The following FARP1 variants were observed in gnomAD, a reference collection of about 807,000 sequenced individuals.
The protein encoded by FARP1 is FERM, ARHGEF and pleckstrin domain-containing protein 1.
In FARP1, 52 loss-of-function variants were observed where a neutral mutation model predicts 128.8. The ratio of observed to expected loss-of-function variants is 0.40; its 90% CI spans 0.32 to 0.51. The LOEUF (loss-of-function observed/expected upper bound fraction) is 0.51, where lower values mean the gene tolerates loss of function less well. Among genes scored for constraint, FARP1 ranks in the 20% least tolerant of loss-of-function variants. FARP1 has a pLI of 0.45. For missense variants in FARP1, 1,333 were observed against 1,367.9 expected (o/e 0.97, Z 0.40); for synonymous variants, 580 against 551.8 (o/e 1.05, Z -0.72).
At chr13:98,280,553 C>T (rs759869025) in intron 2 of FARP1, among the ~76,000 whole-genome samples, 5 of 152,236 alleles carry the variant, frequency 3.3e-5, no homozygotes, top group African/African-American at 9.6e-5. Flanking sequence ...AGAGCCTGGC[C>T]GGACACCCGG....
intron 2 of FARP1, among the ~76,000 whole-genome samples, chr13:98,296,958 C>T (rs1885723341): frequency 6.6e-6 from 1 of 152,196 alleles, no homozygotes; most frequent in Non-Finnish European, 1.5e-5. Flanking sequence ...GCTGGGATTA[C>T]ACGGCCCTAA....
rs1594415695 is a variant in FARP1 at position 98,334,966 on chromosome 13, C to T, written c.172-8796C>T. 2.0e-5 allele frequency among the ~76,000 whole-genome samples: 3 copies of T among 152,312 alleles called. No individual in the cohort carries two copies. The East Asian group carries it at 5.8e-4, about 29-fold the overall frequency. On this transcript the variant is annotated intron_variant, in intron 2 of 26. Transcript: ENST00000319562. ...TAGTGTTTGGTTATGTCCACCTGAGCATACTAAGTCATCACGTTTCCATCT... is the reference window on the plus strand; with the variant it reads ...TAGTGTTTGGTTATGTCCACCTGAGTATACTAAGTCATCACGTTTCCATCT...
intron 3 of FARP1, among the ~76,000 whole-genome samples, chr13:98,362,753 A>G (rs994639438): frequency 2.6e-5 from 4 of 152,202 alleles, no homozygotes; most frequent in Admixed American, 2.6e-4. Flanking sequence ...GACACCTCAG[A>G]AAATTAACTC....
At chr13:98,299,945 G>C (rs745410778) in intron 2 of FARP1, among the ~76,000 whole-genome samples, 10 of 152,192 alleles carry the variant, frequency 6.6e-5, no homozygotes, top group Non-Finnish European at 1.5e-4. Context: ...GTGCTAATCA[G>C]TAGCTAATCA....
intron 1 of FARP1, chr13:98,177,953 C>T (rs923596044): frequency 1.3e-5 from 2 of 152,180 alleles, no homozygotes; most frequent in Admixed American, 6.5e-5. Context: ...AATCCCTCCC[C>T]TCAAAGATAA....
rs1287575463 is a variant in FARP1 at position 98,453,852 on chromosome 13, G to A, written c.*5535G>A. The A allele has an allele frequency of 6.6e-6, 1 of 152,142 alleles. No individual in the cohort carries two copies. Among genetic ancestry groups the A allele is most frequent in the African/African-American group, 2.4e-5 (1 of 41,436 alleles). The allele number at this position is 152,142 out of a possible 1,614,324, so 9.4% of individuals were successfully genotyped here. On this transcript the variant is annotated 3_prime_UTR_variant, in exon 27 of 27. Coordinates refer to ENST00000319562, the MANE Select transcript of FARP1 (RefSeq NM_005766.4). ...AAAGCAATATTAAAAATATGTACAA[G>A]TTTAAAAGTACATACAAAATTACAG...
At chr13:98,419,299 C>A (rs1594514915) in intron 16 of FARP1, among the ~76,000 whole-genome samples, 1 of 152,094 alleles carries the variant, frequency 6.6e-6, no homozygotes, top group Admixed American at 6.5e-5. Context: ...CATGGTGAAA[C>A]CCCATCTCTA....
At chr13:98,292,999 G>A (rs1275063536) in intron 2 of FARP1, among the ~76,000 whole-genome samples, 1 of 151,932 alleles carries the variant, frequency 6.6e-6, no homozygotes, top group Non-Finnish European at 1.5e-5. Flanking sequence ...CAACTCATGG[G>A]GTAAATAAAA....
rs187564692 is a variant in FARP1, at chr13:98,420,323, G to A, written c.1827-4249G>A. Among the ~76,000 whole-genome samples, 435 of 152,238 alleles carry A rather than the reference G, an allele frequency of 2.9e-3. 2 individuals carry two copies. The highest frequency in any genetic ancestry group is 6.8e-3 in the Middle Eastern group (2 of 294). ...AGGCTGTCCTTCTGCCTCCTCTTAGGGGGGTGATGGGCAGAATACTCACAG... is the reference window on the plus strand; with the variant it reads ...AGGCTGTCCTTCTGCCTCCTCTTAGAGGGGTGATGGGCAGAATACTCACAG... On this transcript the variant is annotated intron_variant, in intron 16 of 26. Coordinates refer to ENST00000319562, the MANE Select transcript of FARP1 (RefSeq NM_005766.4).
chr13:98,423,866 G>A (rs1203521697), intron 16 of FARP1, among the ~76,000 whole-genome samples: 1 of 152,190 alleles, frequency 6.6e-6, no homozygotes, highest in Non-Finnish European at 1.5e-5. Context: ...TTGATCCGTT[G>A]AAAGGTGTAC....
intron 2 of FARP1, among the ~76,000 whole-genome samples, chr13:98,223,334 T>C (rs148112011): frequency 1.3e-5 from 2 of 152,282 alleles, no homozygotes; most frequent in African/African-American, 4.8e-5. Context: ...TTTTTGTTTG[T>C]TTGTTTGTTT....
At chr13:98,322,690 C>T (rs1437025430) in intron 2 of FARP1, among the ~76,000 whole-genome samples, 6 of 152,160 alleles carry the variant, frequency 3.9e-5, no homozygotes, top group South Asian at 2.1e-4. Context: ...GGCTGTTCCC[C>T]GGGAATTATC....
intron 17 of FARP1, among the ~76,000 whole-genome samples, chr13:98,427,714 C>T (rs1347079193): frequency 1.4e-4 from 21 of 152,242 alleles, no homozygotes; most frequent in Non-Finnish European, 1.3e-4. Context: ...ATATCCGCTC[C>T]TGGCGTTCTT....
chr13:98,305,292 C>T (rs1006564545), intron 2 of FARP1, among the ~76,000 whole-genome samples: 3 of 151,754 alleles, frequency 2.0e-5, no homozygotes, highest in East Asian at 1.9e-4. Flanking sequence ...TTTTATCCCT[C>T]GCACTTTCAA....
At chr13:98,256,957 A>ATATATATATATATG (rs1883637237) in intron 2 of FARP1, among the ~76,000 whole-genome samples, 5 of 83,860 alleles carry the variant, frequency 6.0e-5, no homozygotes, top group Non-Finnish European at 8.6e-5. Flanking sequence ...GGATATATAT[A>ATATATATATATATG]TATATATATA....
At chr13:98,421,119 G>A (rs540962933) in intron 16 of FARP1, among the ~76,000 whole-genome samples, 42 of 152,314 alleles carry the variant, frequency 2.8e-4, no homozygotes, top group Non-Finnish European at 4.7e-4. Flanking sequence ...TACAATTAGG[G>A]ATTTGCATCT....
At chr13:98,245,454 G>T in intron 2 of FARP1, 1 of 519,702 alleles carries the variant, frequency 1.9e-6, no homozygotes, top group Non-Finnish European at 2.5e-6. Flanking sequence ...GTAATACGAA[G>T]TGAGTACTTT....
intron 1 of FARP1, among the ~76,000 whole-genome samples, chr13:98,153,753 G>A (rs1222584054): frequency 1.3e-5 from 2 of 151,186 alleles, no homozygotes; most frequent in Admixed American, 6.6e-5. Flanking sequence ...TAGTAGAGAC[G>A]GGCTTTCATC....
intron 1 of FARP1, among the ~76,000 whole-genome samples, chr13:98,150,758 C>T (rs1168874706): frequency 6.6e-6 from 1 of 151,896 alleles, no homozygotes; most frequent in Non-Finnish European, 1.5e-5. Flanking sequence ...TTGGAAAAAA[C>T]CTATAGAGGA....
Sources: gnomAD v4.1 joint callset for allele counts (sites outside exome capture counted in the v4.1 genomes callset) on GRCh38, gnomAD v4.1.1 for gene constraint, MANE v1.5 for transcripts, NCBI Gene and HGNC (gene_info 2026-07-23, HGNC 2026-07-21) for gene names.